Variants in STPG2 observed in about 807,000 individuals in gnomAD.
The protein encoded by STPG2 is sperm-tail PG-rich repeat-containing protein 2.
Under a neutral mutation model 54.2 loss-of-function variants are expected in STPG2, and 56 were observed. The observed-to-expected ratio is 1.03, with a 90% CI of 0.83 to 1.29. The LOEUF (loss-of-function observed/expected upper bound fraction) is 1.29. STPG2 is among the 50% of genes most tolerant of loss of function. The probability of loss-of-function intolerance (pLI) is 0.00; values close to 1 mark genes in which losing one functional copy is unlikely to be tolerated. For missense variants in STPG2, 596 were observed against 544.9 expected, an observed-to-expected ratio of 1.09 and a Z score of -0.93; for synonymous variants, 200 against 181.8, an observed-to-expected ratio of 1.10 and a Z score of -0.81.
chr4:97,442,200 C>T (rs1288617265), intron 4 of STPG2, among the ~76,000 whole-genome samples: 3 of 151,602 alleles, frequency 2.0e-5, no homozygotes, highest in Non-Finnish European at 4.4e-5. Context: ...GGCTATATCA[C>T]TTTTACTACA....
At chr4:97,580,031 A>G (rs1349837560) in intron 10 of STPG2, among the ~76,000 whole-genome samples, 1 of 152,020 alleles carries the variant, frequency 6.6e-6, no homozygotes, top group Non-Finnish European at 1.5e-5. Flanking sequence ...CATGATCTTC[A>G]TCACTCTGGT....
chr4:97,777,174 A>C (rs917723047), intron 9 of STPG2, among the ~76,000 whole-genome samples: 11 of 152,212 alleles, frequency 7.2e-5, no homozygotes, highest in African/African-American at 2.7e-4. Context: ...AAAACTTCAC[A>C]AAAATGCAGT....
rs1161514934 is a variant in STPG2 at position 97,741,006 on chromosome 4, C to CA, written c.1205-28193dup. 4.3e-3 allele frequency among the ~76,000 whole-genome samples: 646 copies of CA among 151,988 alleles called. 5 individuals carry two copies. Among genetic ancestry groups the CA allele is most frequent in the African/African-American group, 0.015 (616 of 41,462 alleles). On this transcript the variant is annotated intron_variant, in intron 9 of 10. Transcript: ENST00000295268. ...AACCAAAACAGCATGGTACTGGTAC[C>CA]AAACAGAGATATAGATCAATGGAAC...
chr4:97,843,045 C>T (rs1488197771), intron 8 of STPG2, among the ~76,000 whole-genome samples: 1 of 151,774 alleles, frequency 6.6e-6, no homozygotes, highest in Non-Finnish European at 1.5e-5. Flanking sequence ...GAGCTGAATA[C>T]CATTGTCAGG....
At chr4:97,876,283 C>A (rs142233656) in intron 8 of STPG2, among the ~76,000 whole-genome samples, 36 of 151,990 alleles carry the variant, frequency 2.4e-4, no homozygotes, top group Non-Finnish European at 3.8e-4. Flanking sequence ...AAATTGTTGG[C>A]AAATGTTTAA....
chr4:97,533,409 T>G (rs530922547), intron 4 of STPG2, among the ~76,000 whole-genome samples: 19 of 152,240 alleles, frequency 1.2e-4, no homozygotes, highest in African/African-American at 3.4e-4. Context: ...TGTGTTGTCG[T>G]TATTGTTTCT....
intron 7 of STPG2, among the ~76,000 whole-genome samples, chr4:97,958,128 G>A (rs1733750049): frequency 6.6e-6 from 1 of 151,994 alleles, no homozygotes; most frequent in South Asian, 2.1e-4. Flanking sequence ...TGGCCAACAT[G>A]GTAAAACCCT....
At chr4:97,628,898 T>C in intron 10 of STPG2, among the ~76,000 whole-genome samples, 1 of 152,074 alleles carries the variant, frequency 6.6e-6, no homozygotes, top group East Asian at 1.9e-4. Context: ...ATACACAACC[T>C]GAGGGGTAGC....
chr4:97,569,411 T>C (rs1196433575), intron 10 of STPG2, among the ~76,000 whole-genome samples: 3 of 152,204 alleles, frequency 2.0e-5, no homozygotes, highest in East Asian at 3.9e-4. Context: ...CTTTATGACC[T>C]GTACTTTGTG....
At chr4:98,057,828 G>A (rs914442280) in intron 5 of STPG2, among the ~76,000 whole-genome samples, 1 of 152,102 alleles carries the variant, frequency 6.6e-6, no homozygotes, top group Non-Finnish European at 1.5e-5. Flanking sequence ...ATCTACAAAG[G>A]GAAGTCCATC....
intron 8 of STPG2, among the ~76,000 whole-genome samples, chr4:97,877,745 T>TTGTGTGGGGACACAG (rs1318635136): frequency 3.3e-5 from 5 of 152,024 alleles, no homozygotes; most frequent in African/African-American, 1.2e-4. Flanking sequence ...ACTATATCAT[T>TTGTGTGGGGACACAG]CCACCCCTGG....
chr4:97,930,773 TG>T (rs35555125), intron 8 of STPG2, among the ~76,000 whole-genome samples: 39,912 of 152,134 alleles, frequency 0.26, 5,700 homozygotes, highest in Middle Eastern at 0.36. Context: ...TTGGGCAGTA[TG>T]GCCATTTTAA....
intron 10 of STPG2, among the ~76,000 whole-genome samples, chr4:97,700,546 T>C (rs976245961): frequency 2.6e-5 from 4 of 152,204 alleles, no homozygotes; most frequent in Non-Finnish European, 5.9e-5. Context: ...CCCTGAATTT[T>C]AGTCAGATTT....
At chr4:97,627,183 T>C (rs1734156704) in intron 10 of STPG2, among the ~76,000 whole-genome samples, 2 of 152,062 alleles carry the variant, frequency 1.3e-5, no homozygotes, top group African/African-American at 4.8e-5. Context: ...AAGAAAGTTT[T>C]AAAAAACAGA....
At chr4:97,970,018 GACAA>G (rs1350255133) in intron 7 of STPG2, among the ~76,000 whole-genome samples, 20 of 152,118 alleles carry the variant, frequency 1.3e-4, no homozygotes, top group African/African-American at 4.6e-4. Flanking sequence ...ACCAATAACA[GACAA>G]ACAGAGAGCC....
chr4:97,479,455 C>T (rs978709148), intron 4 of STPG2, among the ~76,000 whole-genome samples: 7 of 151,836 alleles, frequency 4.6e-5, no homozygotes, highest in Admixed American at 4.6e-4. Flanking sequence ...TATCCAAAAT[C>T]CCTGATTAAA....
chr4:98,072,671 T>C (rs539405820), intron 5 of STPG2, among the ~76,000 whole-genome samples: 84 of 152,310 alleles, frequency 5.5e-4, no homozygotes, highest in African/African-American at 1.9e-3. Context: ...CATCCCCAAC[T>C]GTGTGTGCAG....
intron 9 of STPG2, among the ~76,000 whole-genome samples, chr4:97,822,872 A>C (rs1377786175): frequency 1.3e-5 from 2 of 152,222 alleles, no homozygotes; most frequent in African/African-American, 4.8e-5. Context: ...ACATCTCTGG[A>C]GAAAGTTTGA....
intron 8 of STPG2, among the ~76,000 whole-genome samples, chr4:97,926,130 A>G (rs1188392043): frequency 6.6e-6 from 1 of 152,138 alleles, no homozygotes; most frequent in Non-Finnish European, 1.5e-5. Context: ...TTTGATCTGC[A>G]GTAGCCACCT....
Sources: gnomAD v4.1 joint callset for allele counts (sites outside exome capture counted in the v4.1 genomes callset) on GRCh38, gnomAD v4.1.1 for gene constraint, MANE v1.5 for transcripts, NCBI Gene and HGNC (gene_info 2026-07-23, HGNC 2026-07-21) for gene names.